ATP10B: variants seen among roughly 807,000 people sequenced by gnomAD.
The protein encoded by ATP10B is phospholipid-transporting ATPase VB.
Under a neutral mutation model 141.2 loss-of-function variants are expected in ATP10B, and 122 were observed. The ratio of observed to expected loss-of-function variants is 0.86; its 90% confidence interval spans 0.75 to 1.00. The LOEUF (loss-of-function observed/expected upper bound fraction) is 1.00, where lower values mean the gene tolerates loss of function less well. ATP10B is among the 50% of genes least tolerant of loss of function. The pLI, the probability that ATP10B is intolerant of heterozygous loss-of-function variation, is 0.00. For synonymous variants in ATP10B, 685 were observed against 692.0 expected, an observed-to-expected ratio of 0.99 and a Z score of 0.16; for missense variants, 1,876 against 1,825.3, an observed-to-expected ratio of 1.03 and a Z score of -0.51.
chr5:160,726,551 AT>A (rs1328348943), intron 2 of ATP10B, among the ~76,000 whole-genome samples: 1 of 151,212 alleles, frequency 6.6e-6, no homozygotes, highest in East Asian at 1.9e-4. Flanking sequence ...GTTCCCTTAA[AT>A]TTGGCATTTC....
At position 160,687,785 on chromosome 5, in the gene ATP10B, C is replaced by T. The variant is rs117979778; in HGVS notation, c.275+15G>A. 1.9e-6 allele frequency: 3 copies of T among 1,609,816 alleles called. No homozygotes were observed. The highest frequency in any genetic ancestry group is 2.7e-5 in the African/African-American group (2 of 74,812). On this transcript the variant is annotated intron_variant, in intron 5 of 25. Coordinates refer to ENST00000327245, the MANE Select transcript of ATP10B (RefSeq NM_025153.3). ...TTCTCTAAAAAGAGTATTGTTCAGA[C>T]AAGTGGATCTCTACCTATGAAATTG... is the stretch of plus-strand genomic sequence containing the variant.
chr5:160,585,287 A>G (rs937639825), intron 24 of ATP10B, among the ~76,000 whole-genome samples: 1 of 152,180 alleles, frequency 6.6e-6, no homozygotes, highest in African/African-American at 2.4e-5. Flanking sequence ...TTTCAATGAC[A>G]ATATTTTATT....
Position 160,686,102 on chromosome 5 carries a change from G to A in ATP10B, c.447C>T (p.Cys149=), listed in dbSNP as rs1172803561. Residue 149 remains cysteine, a synonymous_variant, in exon 6 of 26, where the codon TGC becomes TGT. Coordinates refer to ENST00000327245, the MANE Select transcript of ATP10B (RefSeq NM_025153.3). The stretch of plus-strand genomic sequence containing the variant: ...ACCTTTCATAAATTCGAATGTTGGA[G>A]CAGTTTATTGCTTTATCAAAGCGGT... The part of the protein sequence containing the change: ...KRHRFDKAIN[C]SNIRIYERKE... The A allele has an allele frequency of 1.3e-6, 2 of 1,572,932 alleles. No individual in the cohort carries two copies. Among genetic ancestry groups the A allele is most frequent in the Non-Finnish European group, 1.7e-6 (2 of 1,156,124 alleles).
Position 160,620,694 on chromosome 5 carries a change from ATG to A in ATP10B, c.2067_2068del (p.Ile690ProfsTer24). ...GGAAGTGCCTGACCCAGACTCCAGG[ATG>A]TCGCCCTGGTCCCACATGCTGCTCC... On this transcript the variant is annotated frameshift_variant, in exon 15 of 26. Coordinates refer to ENST00000327245, the MANE Select transcript of ATP10B (RefSeq NM_025153.3). LOFTEE classifies it high-confidence loss of function. 1 of 1,614,124 alleles carries A rather than the reference ATG, an allele frequency of 6.2e-7. No homozygotes were observed. Among genetic ancestry groups the A allele is most frequent in the African/African-American group, 1.3e-5 (1 of 75,074 alleles).
At chr5:160,819,072 A>C (rs1466308971) in intron 1 of ATP10B, among the ~76,000 whole-genome samples, 1 of 152,162 alleles carries the variant, frequency 6.6e-6, no homozygotes, top group African/African-American at 2.4e-5. Flanking sequence ...TGGGTGCAGC[A>C]CACCAACATG....
chr5:160,892,044 A>G, the ATP10B span, among the ~76,000 whole-genome samples: 1 of 152,216 alleles, frequency 6.6e-6, no homozygotes. Context: ...CAGAGAAACA[A>G]TATTACATTC....
intron 3 of ATP10B, among the ~76,000 whole-genome samples, chr5:160,706,099 G>T (rs1205701076): frequency 6.6e-6 from 1 of 152,332 alleles, no homozygotes; most frequent in African/African-American, 2.4e-5. Flanking sequence ...CCTTACATGA[G>T]TGTGGTTGGC....
chr5:160,884,834 T>C, the ATP10B span, among the ~76,000 whole-genome samples: 1,707 of 152,332 alleles, frequency 0.011, 40 homozygotes, highest in African/African-American at 0.039. Context: ...AATTAATTCA[T>C]TTATTCCAAA....
intron 2 of ATP10B, among the ~76,000 whole-genome samples, chr5:160,761,028 G>A (rs1768991401): frequency 6.6e-6 from 1 of 152,114 alleles, no homozygotes; most frequent in Non-Finnish European, 1.5e-5. Context: ...GGCCAGCGTA[G>A]GGTAAGATTA....
rs1430197192 is a variant in ATP10B at position 160,589,615 on chromosome 5, G to C, written c.3727C>G (p.Gln1243Glu). 6.2e-7 allele frequency: 1 copy of C among 1,613,916 alleles called. No homozygotes were observed. Among genetic ancestry groups the C allele is most frequent in the Non-Finnish European group, 8.5e-7 (1 of 1,179,890 alleles). Residue 1243 changes from glutamine to glutamate, a missense_variant, in exon 24 of 26, where the codon CAG becomes GAG. Transcript: ENST00000327245. Reference protein sequence around the residue: ...TISLTTILLHQAMEMKTWTIF... With the variant: ...TISLTTILLHEAMEMKTWTIF... ...ACCCATGTCTTCATTTCCATTGCCT[G>C]GTGCAAAAGGATTGTGGTGAGGGAG...
chr5:160,634,619 G>A lies in ATP10B; in HGVS notation c.1129-13C>T. On this transcript the variant is annotated splice_polypyrimidine_tract_variant and intron_variant, in intron 11 of 25. Coordinates refer to ENST00000327245, the MANE Select transcript of ATP10B (RefSeq NM_025153.3). ...TGGGGATCAGCACCTGAAAAGAGAT[G>A]AGTTTCTACCATTCAGAAACCAGGC... is the stretch of plus-strand genomic sequence containing the variant. The A allele has an allele frequency of 2.5e-6, 4 of 1,593,510 alleles. No individual in the cohort carries two copies. The highest frequency in any genetic ancestry group is 3.4e-6 in the Non-Finnish European group (4 of 1,169,552).
intron 1 of ATP10B, among the ~76,000 whole-genome samples, chr5:160,820,068 A>G (rs1773981674): frequency 6.6e-6 from 1 of 152,054 alleles, no homozygotes; most frequent in Non-Finnish European, 1.5e-5. Context: ...AGAAAACAGT[A>G]CAAAAATCAA....
chr5:160,913,388 G>C, the ATP10B span, among the ~76,000 whole-genome samples: 1 of 152,158 alleles, frequency 6.6e-6, no homozygotes, highest in East Asian at 1.9e-4. Context: ...TCAGCATTTT[G>C]TTGGATCATG....
intron 24 of ATP10B, 137 bp from the exon 25 acceptor site, chr5:160,569,820 T>A: frequency 3.0e-6 from 2 of 676,630 alleles, no homozygotes; most frequent in Non-Finnish European, 4.7e-6. Flanking sequence ...GTGTGCAGCT[T>A]AATCTATCAT....
At chr5:160,578,729 T>C (rs1050431769) in intron 24 of ATP10B, among the ~76,000 whole-genome samples, 3 of 152,204 alleles carry the variant, frequency 2.0e-5, no homozygotes, top group African/African-American at 4.8e-5. Flanking sequence ...CTGGATCAAA[T>C]GGTATTTCTG....
intron 2 of ATP10B, among the ~76,000 whole-genome samples, chr5:160,765,262 CAAAG>C (rs1769317725): frequency 6.6e-6 from 1 of 151,978 alleles, no homozygotes; most frequent in South Asian, 2.1e-4. Flanking sequence ...CCCACATAGT[CAAAG>C]AAAGAGTAAG....
intron 18 of ATP10B, 86 bp from the exon 19 acceptor site, chr5:160,607,172 T>G (rs772465695): frequency 6.3e-6 from 7 of 1,118,832 alleles, no homozygotes; most frequent in Non-Finnish European, 9.0e-6. Flanking sequence ...AGTAAGATAG[T>G]CATAAAACTC....
chr5:160,828,005 A>G (rs1166197855), intron 1 of ATP10B, among the ~76,000 whole-genome samples: 1 of 152,156 alleles, frequency 6.6e-6, no homozygotes, highest in South Asian at 2.1e-4. Flanking sequence ...CTGGCTAGCC[A>G]TATGTAGAAA....
chr5:160,832,664 G>T (rs868269557), intron 1 of ATP10B, among the ~76,000 whole-genome samples: 27 of 152,046 alleles, frequency 1.8e-4, no homozygotes, highest in Non-Finnish European at 2.8e-4. Context: ...TTGTCAAAGA[G>T]ATAAAGCTAA....
Sources: gnomAD v4.1 joint callset for allele counts (sites outside exome capture counted in the v4.1 genomes callset) on GRCh38, gnomAD v4.1.1 for gene constraint, MANE v1.5 for transcripts, NCBI Gene and HGNC (gene_info 2026-07-23, HGNC 2026-07-21) for gene names.